The following UTRN variants were observed in gnomAD, a reference collection of about 807,000 sequenced individuals.
The protein encoded by UTRN is dystrophin-related protein 1.
UTRN carries 283 observed loss-of-function variants against 463.9 expected under a neutral mutation model. That is an observed-to-expected ratio of 0.61 (90% CI 0.55 to 0.67). UTRN has a LOEUF of 0.67. Ranked by LOEUF, UTRN falls within the 30% of genes least tolerant of loss-of-function variation. The pLI, the probability that UTRN is intolerant of heterozygous loss-of-function variation, is 0.00. For missense variants in UTRN, 3,922 were observed against 4,084.3 expected (o/e 0.96, Z 1.08); for synonymous variants, 1,442 against 1,431.5 (o/e 1.01, Z -0.17).
At chr6:144,515,305 A>G (rs1337831107) in intron 37 of UTRN, among the ~76,000 whole-genome samples, 1 of 152,224 alleles carries the variant, frequency 6.6e-6, no homozygotes, top group Non-Finnish European at 1.5e-5. Context: ...GAAAACAAGC[A>G]ATTAGTATTG....
chr6:144,462,512 A>C (rs989130316), intron 22 of UTRN, 142 bp from the exon 23 acceptor site: 1 of 737,164 alleles, frequency 1.4e-6, no homozygotes, highest in Non-Finnish European at 2.1e-6. Context: ...GAACTAATTC[A>C]CACTCCCACC....
At position 144,337,194 on chromosome 6, in the gene UTRN, C is replaced by CCACACA. The variant is rs772582196; in HGVS notation, c.79+45308_79+45313dup. 1.3e-3 allele frequency among the ~76,000 whole-genome samples: 168 copies of CCACACA among 126,784 alleles called. 2 individuals are homozygous for CCACACA. The highest frequency in any genetic ancestry group is 3.0e-3 in the African/African-American group (90 of 30,198). 83.2% of individuals were successfully genotyped at this position (126,784 alleles called of 152,430 possible). Reference sequence around the variant, plus strand: ...ACACACACAGACACACACACACACACCACACACACACACACACACACACAC... The same window carrying CCACACA: ...ACACACACAGACACACACACACACACCACACACACACACACACACACACACACACAC... On this transcript the variant is annotated intron_variant, in intron 2 of 74. Coordinates refer to ENST00000367545, the MANE Select transcript of UTRN (RefSeq NM_007124.3).
intron 53 of UTRN, among the ~76,000 whole-genome samples, chr6:144,728,704 A>G (rs1788187798): frequency 6.6e-6 from 1 of 152,022 alleles, no homozygotes; most frequent in Non-Finnish European, 1.5e-5. Flanking sequence ...GTACCTTTGC[A>G]TTTTAGAGAA....
chr6:144,352,006 C>G (rs1294589566), intron 2 of UTRN, among the ~76,000 whole-genome samples: 1 of 152,164 alleles, frequency 6.6e-6, no homozygotes, highest in Non-Finnish European at 1.5e-5. Context: ...TTGGCTTCTG[C>G]CCTGGCCTAT....
intron 51 of UTRN, among the ~76,000 whole-genome samples, chr6:144,669,601 A>T (rs1780781611): frequency 1.3e-5 from 2 of 152,048 alleles, no homozygotes; most frequent in Non-Finnish European, 2.9e-5. Flanking sequence ...TTAAAATTGC[A>T]GTAGTTTTGG....
At chr6:144,690,199 T>C (rs1413194828) in intron 52 of UTRN, among the ~76,000 whole-genome samples, 1 of 143,740 alleles carries the variant, frequency 7.0e-6, no homozygotes, top group Non-Finnish European at 1.5e-5. Context: ...ATGCTCTGGC[T>C]CTCCACAGGC....
At chr6:144,529,166 C>T (rs779388916) in intron 41 of UTRN, among the ~76,000 whole-genome samples, 6 of 152,216 alleles carry the variant, frequency 3.9e-5, no homozygotes, top group Non-Finnish European at 7.3e-5. Context: ...ACCCCTTCCG[C>T]CACCCCCACA....
intron 53 of UTRN, chr6:144,706,882 A>G (rs1785153246): frequency 1.3e-5 from 2 of 152,158 alleles, no homozygotes; most frequent in Non-Finnish European, 2.9e-5. Flanking sequence ...GTATTTTCTA[A>G]TACTGCCCAT....
chr6:144,721,106 C>T (rs780926814), intron 53 of UTRN, among the ~76,000 whole-genome samples: 12 of 152,162 alleles, frequency 7.9e-5, no homozygotes, highest in Non-Finnish European at 1.6e-4. Context: ...TCATTGTGCT[C>T]TCCAGTTGTT....
At chr6:144,434,923 G>T (rs1786386361) in intron 9 of UTRN, among the ~76,000 whole-genome samples, 1 of 152,120 alleles carries the variant, frequency 6.6e-6, no homozygotes, top group African/African-American at 2.4e-5. Context: ...TGGATTTGTT[G>T]TTTGAGCACA....
At chr6:144,306,093 G>A (rs867100715) in intron 2 of UTRN, among the ~76,000 whole-genome samples, 1 of 152,164 alleles carries the variant, frequency 6.6e-6, no homozygotes. Flanking sequence ...AACCGTAGCT[G>A]TAATATCAGG....
At chr6:144,467,101 C>T (rs935065031) in intron 23 of UTRN, among the ~76,000 whole-genome samples, 3 of 152,218 alleles carry the variant, frequency 2.0e-5, no homozygotes, top group African/African-American at 4.8e-5. Flanking sequence ...CTTTCTTGCC[C>T]TGAAGCCCTC....
At chr6:144,332,098 G>A (rs1478572369) in intron 2 of UTRN, among the ~76,000 whole-genome samples, 1 of 152,164 alleles carries the variant, frequency 6.6e-6, no homozygotes, top group Admixed American at 6.5e-5. Flanking sequence ...TTCTGGGATT[G>A]GGCATTGGAT....
chr6:144,819,364 G>T (rs1006050101), intron 65 of UTRN, among the ~76,000 whole-genome samples: 3 of 152,130 alleles, frequency 2.0e-5, no homozygotes, highest in African/African-American at 7.2e-5. Context: ...TCAGAACTTA[G>T]TTGTTTTCAA....
intron 51 of UTRN, among the ~76,000 whole-genome samples, chr6:144,666,183 C>T (rs1318508662): frequency 6.6e-6 from 1 of 152,178 alleles, no homozygotes; most frequent in Non-Finnish European, 1.5e-5. Context: ...CATGATCTGA[C>T]AGCCTCCCAT....
At chr6:144,715,450 T>C (rs1050869911) in intron 53 of UTRN, among the ~76,000 whole-genome samples, 8 of 152,170 alleles carry the variant, frequency 5.3e-5, no homozygotes, top group Non-Finnish European at 8.8e-5. Flanking sequence ...AAGCCACAGC[T>C]CTCGGAATGG....
At chr6:144,312,316 C>T (rs1346892115) in intron 2 of UTRN, among the ~76,000 whole-genome samples, 1 of 151,540 alleles carries the variant, frequency 6.6e-6, no homozygotes, top group Non-Finnish European at 1.5e-5. Context: ...CCCAGCTACT[C>T]GGAAGGCTGA....
intron 50 of UTRN, among the ~76,000 whole-genome samples, chr6:144,565,966 A>G (rs1170177225): frequency 1.3e-5 from 2 of 152,174 alleles, no homozygotes; most frequent in African/African-American, 4.8e-5. Context: ...TTGTGTGCCT[A>G]TGAGAATGAC....
At chr6:144,627,885 C>T (rs1404178008) in intron 51 of UTRN, among the ~76,000 whole-genome samples, 1 of 149,898 alleles carries the variant, frequency 6.7e-6, no homozygotes, top group Non-Finnish European at 1.5e-5. Context: ...CTGCAACGTC[C>T]GTCTCCCGGG....
Sources: gnomAD v4.1 joint callset for allele counts (sites outside exome capture counted in the v4.1 genomes callset) on GRCh38, gnomAD v4.1.1 for gene constraint, MANE v1.5 for transcripts, NCBI Gene and HGNC (gene_info 2026-07-23, HGNC 2026-07-21) for gene names.